PCDHA4: variants seen among roughly 807,000 people sequenced by gnomAD.
PCDHA4 encodes protocadherin alpha-4.
In PCDHA4, 49 loss-of-function variants were observed where a neutral mutation model predicts 61.4. The observed-to-expected ratio is 0.80, with a 90% confidence interval of 0.63 to 1.01. The LOEUF is 1.01. PCDHA4 is among the 50% of genes least tolerant of loss of function. The pLI is 0.00. For missense variants in PCDHA4, 1,254 were observed against 1,235.8 expected (o/e 1.01, Z -0.22); for synonymous variants, 590 against 550.3 (o/e 1.07, Z -1.01).
chr5:140,823,764 A>G (rs2150128918), intron 1 of PCDHA4: 1 of 1,613,830 alleles, frequency 6.2e-7, no homozygotes, highest in Non-Finnish European at 8.5e-7. Context: ...CCACAGCCAC[A>G]GTGCTGGTGT....
At chr5:140,956,622 C>T (rs1438482570) in intron 1 of PCDHA4, among the ~76,000 whole-genome samples, 2 of 152,008 alleles carry the variant, frequency 1.3e-5, no homozygotes, top group African/African-American at 4.8e-5. Context: ...CTTTTTGTTG[C>T]ATCTCTGCCA....
At chr5:140,826,307 G>T (rs1326505892) in intron 1 of PCDHA4, among the ~76,000 whole-genome samples, 5 of 151,882 alleles carry the variant, frequency 3.3e-5, no homozygotes. Context: ...GGAACCTCTT[G>T]TTTTGGGGAT....
At chr5:140,966,447 C>G (rs373859357) in intron 1 of PCDHA4, 3 of 425,206 alleles carry the variant, frequency 7.1e-6, no homozygotes, top group Non-Finnish European at 8.2e-6. Flanking sequence ...CTCCCTTTCC[C>G]CCTCCCCCTC....
At chr5:140,917,170 G>A (rs1196393398) in intron 1 of PCDHA4, among the ~76,000 whole-genome samples, 1 of 152,184 alleles carries the variant, frequency 6.6e-6, no homozygotes, top group African/African-American at 2.4e-5. Context: ...AGGGGTGATG[G>A]TGGTGATCCC....
chr5:141,003,856 ATG>A (rs1554259354), intron 3 of PCDHA4, among the ~76,000 whole-genome samples: 1 of 152,144 alleles, frequency 6.6e-6, no homozygotes, highest in Non-Finnish European at 1.5e-5. Flanking sequence ...CCAGATTTAT[ATG>A]TGTCTGAAAT....
At chr5:140,907,092 G>C (rs1381969899) in intron 1 of PCDHA4, among the ~76,000 whole-genome samples, 4 of 152,262 alleles carry the variant, frequency 2.6e-5, no homozygotes, top group African/African-American at 9.6e-5. Context: ...GGTAAGTGGT[G>C]CCACTTCCAC....
intron 1 of PCDHA4, chr5:140,882,378 A>G: frequency 6.2e-7 from 1 of 1,614,186 alleles, no homozygotes; most frequent in Non-Finnish European, 8.5e-7. Flanking sequence ...TCCGTCCCCG[A>G]GGAAGCAAAA....
At chr5:140,927,612 C>T (rs781873236) in intron 1 of PCDHA4, 12 of 1,614,172 alleles carry the variant, frequency 7.4e-6, no homozygotes, top group Non-Finnish European at 8.5e-6. Context: ...TATACCGCAC[C>T]AAGGTTCCAG....
At chr5:140,940,776 T>A (rs2092683795) in intron 1 of PCDHA4, among the ~76,000 whole-genome samples, 1 of 152,222 alleles carries the variant, frequency 6.6e-6, no homozygotes, top group African/African-American at 2.4e-5. Flanking sequence ...CTTTTGATGG[T>A]CCATATCCTG....
chr5:140,967,146 A>C, intron 1 of PCDHA4: 1 of 1,610,972 alleles, frequency 6.2e-7, no homozygotes, highest in Non-Finnish European at 8.5e-7. Flanking sequence ...CTGGCGCACA[A>C]CCCCGTGGCG....
chr5:140,983,363 C>A (rs574253600), intron 3 of PCDHA4, among the ~76,000 whole-genome samples: 33 of 152,290 alleles, frequency 2.2e-4, no homozygotes, highest in African/African-American at 7.9e-4. Context: ...AGAAATATGG[C>A]TTTGGAGGCC....
At chr5:140,903,635 A>T (rs2070455281) in intron 1 of PCDHA4, among the ~76,000 whole-genome samples, 1 of 152,244 alleles carries the variant, frequency 6.6e-6, no homozygotes, top group Non-Finnish European at 1.5e-5. Context: ...ATGTATGCAT[A>T]TACCATATAC....
At chr5:140,943,501 T>C (rs1235998322) in intron 1 of PCDHA4, among the ~76,000 whole-genome samples, 1 of 152,088 alleles carries the variant, frequency 6.6e-6, no homozygotes, top group Non-Finnish European at 1.5e-5. Flanking sequence ...GCTATCAAGG[T>C]TCATGGAAAT....
chr5:140,839,514 C>T (rs2150298432), intron 1 of PCDHA4, among the ~76,000 whole-genome samples: 3 of 152,082 alleles, frequency 2.0e-5, no homozygotes, highest in African/African-American at 7.2e-5. Context: ...CTCAGCCTCT[C>T]AAGTTGCTGG....
At chr5:140,822,234 A>T (rs2150114791) in intron 1 of PCDHA4, 1 of 1,614,268 alleles carries the variant, frequency 6.2e-7, no homozygotes, top group East Asian at 2.2e-5. Context: ...GGTTTCCGCT[A>T]GAGGGCGCGT....
intron 3 of PCDHA4, among the ~76,000 whole-genome samples, chr5:140,985,692 C>T (rs1208331191): frequency 6.6e-6 from 1 of 151,060 alleles, no homozygotes; most frequent in Non-Finnish European, 1.5e-5. Flanking sequence ...CGCTAATCCT[C>T]GTTCATATGT....
intron 3 of PCDHA4, among the ~76,000 whole-genome samples, chr5:141,001,247 A>G (rs547699044): frequency 1.3e-5 from 2 of 152,256 alleles, no homozygotes; most frequent in African/African-American, 2.4e-5. Flanking sequence ...AATCAACCCT[A>G]TGGGGCGGGC....
intron 1 of PCDHA4, chr5:140,876,290 T>C: frequency 6.2e-7 from 1 of 1,614,074 alleles, no homozygotes; most frequent in Non-Finnish European, 8.5e-7. Flanking sequence ...GACGAAGGAC[T>C]TAATGGAGAA....
rs1446596900 is a variant in PCDHA4 at position 140,900,305 on chromosome 5, C to T, written c.2386-78644C>T. On this transcript the variant is annotated intron_variant, in intron 1 of 3. Transcript: ENST00000530339. ...TTTCTTTTCTGTTTTTTTAGACAGTCTCACTTTTGTCGCCCAGGCTGGAGT... is the reference window on the plus strand; with the variant it reads ...TTTCTTTTCTGTTTTTTTAGACAGTTTCACTTTTGTCGCCCAGGCTGGAGT... Among the ~76,000 whole-genome samples the T allele has an allele frequency of 1.3e-4, 20 of 151,754 alleles. No homozygotes were observed. In the East Asian group the frequency reaches 3.9e-3, roughly 30 times the overall value.
Sources: allele counts gnomAD v4.1 joint callset (sites outside exome capture counted in the v4.1 genomes callset), GRCh38; gene constraint gnomAD v4.1.1; transcripts MANE v1.5; gene names NCBI Gene and HGNC (gene_info 2026-07-23, HGNC 2026-07-21).